The following NUFIP1 variants were observed in gnomAD, a reference collection of about 807,000 sequenced individuals.
NUFIP1 encodes the protein nuclear FMR1 interacting protein 1.
Under a neutral mutation model 56.2 loss-of-function variants are expected in NUFIP1, and 38 were observed. The ratio of observed to expected loss-of-function variants is 0.68; its 90% CI spans 0.52 to 0.89. The LOEUF is 0.89. Among genes scored for constraint, NUFIP1 ranks in the 40% least tolerant of loss-of-function variants. The pLI is 0.00. For synonymous variants in NUFIP1, 215 were observed against 212.4 expected (o/e 1.01, Z -0.10); for missense variants, 567 against 605.8 (o/e 0.94, Z 0.67).
chr13:44,951,764 A>C (rs1373204281), intron 7 of NUFIP1, among the ~76,000 whole-genome samples: 2 of 152,234 alleles, frequency 1.3e-5, no homozygotes, highest in African/African-American at 4.8e-5. Context: ...TTTACACTAT[A>C]CTGTAGCATA....
chr13:44,963,219 T>G (rs1223666050), intron 6 of NUFIP1, among the ~76,000 whole-genome samples: 1 of 152,222 alleles, frequency 6.6e-6, no homozygotes, highest in East Asian at 1.9e-4. Context: ...GGCCTTGAAT[T>G]TTTCTGAGCA....
intron 2 of NUFIP1, 37 bp from the exon 3 acceptor site, chr13:44,980,857 G>A (rs746689349): frequency 2.3e-6 from 3 of 1,322,554 alleles, no homozygotes; most frequent in Non-Finnish European, 3.2e-6. Context: ...GGCTTTTGGT[G>A]AAAAATCTGT....
chr13:44,960,372 G>A (rs1458813801), intron 6 of NUFIP1, among the ~76,000 whole-genome samples: 2 of 151,968 alleles, frequency 1.3e-5, no homozygotes, highest in African/African-American at 2.4e-5. Context: ...GGGTTCTAGC[G>A]ATTCTCCTGC....
intron 7 of NUFIP1, among the ~76,000 whole-genome samples, chr13:44,950,315 G>A (rs1367612219): frequency 2.0e-5 from 3 of 152,150 alleles, no homozygotes; most frequent in African/African-American, 7.2e-5. Context: ...GCATTCTATA[G>A]GCTTAGTCAA....
At chr13:44,971,077 TAATAA>T (rs1871788875) in intron 5 of NUFIP1, among the ~76,000 whole-genome samples, 1 of 152,100 alleles carries the variant, frequency 6.6e-6, no homozygotes, top group Non-Finnish European at 1.5e-5. Flanking sequence ...CCATATCCTC[TAATAA>T]AATATACATA....
At chr13:44,966,312 C>T (rs1871599984) in intron 5 of NUFIP1, among the ~76,000 whole-genome samples, 1 of 151,872 alleles carries the variant, frequency 6.6e-6, no homozygotes. Context: ...TTATTTCCTT[C>T]TTATTTATTT....
intron 5 of NUFIP1, among the ~76,000 whole-genome samples, chr13:44,968,069 T>G (rs1019332571): frequency 1.3e-5 from 2 of 151,872 alleles, no homozygotes; most frequent in African/African-American, 4.8e-5. Flanking sequence ...GGGTAAGTGG[T>G]TAAGTAATCA....
rs1332607866 is a variant in NUFIP1 at position 44,989,339 on chromosome 13, G to A, written c.98C>T (p.Pro33Leu). 1 of 1,612,986 alleles carries A rather than the reference G, an allele frequency of 6.2e-7. No individual in the cohort carries two copies. ...TGCCCAGAACATCCAGCTGTCCCGC[G>A]GCGGGGCAGTGTCGCTCAGGGGCCC... ...TLGPLSDTAPPRDSWMFWAML... is the reference protein window; with the variant it reads ...TLGPLSDTAPLRDSWMFWAML... The change falls in exon 1 of 10, where the codon CCG becomes CTG. Residue 33 changes from proline to leucine, a missense_variant. By Grantham distance (98) the Pro-to-Leu change is moderately conservative. Coordinates refer to ENST00000379161, the MANE Select transcript of NUFIP1 (RefSeq NM_012345.3).
At chr13:44,949,864 A>C (rs1218034383) in intron 7 of NUFIP1, 26 bp from the exon 8 acceptor site, 2 of 1,440,998 alleles carry the variant, frequency 1.4e-6, no homozygotes, top group African/African-American at 2.8e-5. Flanking sequence ...GTCAGATTCA[A>C]AACATCTACC....
Position 44,965,931 on chromosome 13 carries a change from T to C in NUFIP1, c.740A>G (p.Tyr247Cys), listed in dbSNP as rs140630713. 2.9e-5 allele frequency: 45 copies of C among 1,551,548 alleles called. No homozygotes were observed. The highest frequency in any genetic ancestry group is 4.1e-5 in the African/African-American group (3 of 72,320). Reference protein sequence around the residue: ...ARWREERRKNYPTLANIERKK... With the variant: ...ARWREERRKNCPTLANIERKK... ...CCTTTCAATATTGGCCAGAGTTGGATAGTTTCTAGAAAATAATAAAAGTTA... is the reference window on the plus strand; with the variant it reads ...CCTTTCAATATTGGCCAGAGTTGGACAGTTTCTAGAAAATAATAAAAGTTA... Residue 247 changes from tyrosine (Y) to cysteine (C), a missense_variant, in exon 6 of 10, where the codon TAT becomes TGT. Transcript: ENST00000379161.
chr13:44,968,976 C>T (rs1001134865), intron 5 of NUFIP1, among the ~76,000 whole-genome samples: 2 of 152,148 alleles, frequency 1.3e-5, no homozygotes, highest in African/African-American at 2.4e-5. Flanking sequence ...CTCTTTCAGG[C>T]AGACTGCAGT....
intron 9 of NUFIP1, among the ~76,000 whole-genome samples, chr13:44,941,973 T>C (rs1870755988): frequency 6.6e-6 from 1 of 151,362 alleles, no homozygotes; most frequent in African/African-American, 2.4e-5. Flanking sequence ...AATCATGCGA[T>C]CTCAGCTCAC....
intron 1 of NUFIP1, 105 bp downstream of exon 1, chr13:44,988,920 A>G: frequency 8.6e-7 from 1 of 1,163,476 alleles, no homozygotes. Flanking sequence ...CCAGACTCCA[A>G]GAGTGCAGAG....
At chr13:44,984,772 A>G (rs1038922902) in intron 1 of NUFIP1, among the ~76,000 whole-genome samples, 1 of 152,170 alleles carries the variant, frequency 6.6e-6, no homozygotes, top group African/African-American at 2.4e-5. Flanking sequence ...GGTTAGTTAC[A>G]TATGTATACA....
intron 1 of NUFIP1, among the ~76,000 whole-genome samples, chr13:44,984,968 T>C (rs541441385): frequency 3.3e-5 from 5 of 152,360 alleles, no homozygotes; most frequent in Middle Eastern, 3.4e-3. Flanking sequence ...TGTTTGGTTT[T>C]CTGTCCTTGC....
intron 6 of NUFIP1, among the ~76,000 whole-genome samples, chr13:44,959,907 T>C (rs1445341035): frequency 6.6e-6 from 1 of 152,060 alleles, no homozygotes; most frequent in Non-Finnish European, 1.5e-5. Context: ...CATTCTTCTA[T>C]TGTACATGAA....
chr13:44,985,239 T>G lies in NUFIP1; in HGVS notation c.413-3085A>C, dbSNP rs59036048. On this transcript the variant is annotated intron_variant, in intron 1 of 9. Coordinates refer to ENST00000379161, the MANE Select transcript of NUFIP1 (RefSeq NM_012345.3). ...CTACCTGACACAAATATATTCCAACTTTAATTCCTGGACTTCCTTCCAAAT... is the reference window on the plus strand; with the variant it reads ...CTACCTGACACAAATATATTCCAACGTTAATTCCTGGACTTCCTTCCAAAT... Among the ~76,000 whole-genome samples the G allele has an allele frequency of 8.0e-3, 1,215 of 152,346 alleles. 16 individuals carry two copies. The highest frequency in any genetic ancestry group is 0.028 in the African/African-American group (1,147 of 41,578).
Position 44,979,274 on chromosome 13 carries a change from G to T in NUFIP1, c.658-8C>A. The T allele has an allele frequency of 6.2e-7, 1 of 1,607,510 alleles. No individual in the cohort carries two copies. Reference sequence around the variant, plus strand: ...CATGCCAGGAGCATGCATCTAGGGGGAAAAAGCCTGCTGAACATCAGGAGG... The same window carrying T: ...CATGCCAGGAGCATGCATCTAGGGGTAAAAAGCCTGCTGAACATCAGGAGG... On this transcript the variant is annotated splice_region_variant and splice_polypyrimidine_tract_variant and intron_variant, in intron 4 of 9. Transcript: ENST00000379161.
intron 1 of NUFIP1, among the ~76,000 whole-genome samples, 158 bp from the exon 2 acceptor site, chr13:44,982,312 A>G (rs962342795): frequency 6.6e-6 from 1 of 152,248 alleles, no homozygotes; most frequent in Non-Finnish European, 1.5e-5. Context: ...ACAAAGATTA[A>G]GATTAGTCTA....
Sources: gnomAD v4.1 joint callset for allele counts (sites outside exome capture counted in the v4.1 genomes callset) on GRCh38, gnomAD v4.1.1 for gene constraint, MANE v1.5 for transcripts, NCBI Gene and HGNC (gene_info 2026-07-23, HGNC 2026-07-21) for gene names.